Variants in KCNMB2 observed in about 807,000 individuals in gnomAD.
The protein encoded by KCNMB2 is calcium-activated potassium channel subunit beta-2.
A neutral mutation model predicts 24.5 loss-of-function variants in KCNMB2; 9 were observed. The ratio of observed to expected loss-of-function variants is 0.37; its 90% CI spans 0.22 to 0.64. The LOEUF is 0.64. KCNMB2 is among the 30% of genes least tolerant of loss of function. KCNMB2 has a pLI of 0.63. For synonymous variants in KCNMB2, 109 were observed against 104.4 expected (o/e 1.04, Z -0.27); for missense variants, 226 against 284.3 (o/e 0.79, Z 1.47).
In KCNMB2 at chr3:178,843,953, C is replaced by G. The variant is rs550720001; in HGVS notation, c.*1016C>G. On this transcript the variant is annotated 3_prime_UTR_variant, in exon 5 of 5. Coordinates refer to ENST00000452583, the MANE Select transcript of KCNMB2 (RefSeq NM_181361.3). ...TATTGGGATTTTAAAGCTATGTGCA[C>G]AGAATATTAGTCTCTTCTACATGTT... is the stretch of plus-strand genomic sequence containing the variant. 6.6e-6 allele frequency: 1 copy of G among 152,284 alleles called. No individual in the cohort carries two copies. The highest frequency in any genetic ancestry group is 1.5e-5 in the Non-Finnish European group (1 of 67,988). 9.4% of individuals were successfully genotyped at this position (152,284 alleles called of 1,614,324 possible).
chr3:178,603,079 T>C (rs934545525), intron 1 of KCNMB2, among the ~76,000 whole-genome samples: 1 of 151,930 alleles, frequency 6.6e-6, no homozygotes, highest in African/African-American at 2.4e-5. Context: ...CAGTGACTAA[T>C]TGGATATGGC....
chr3:178,795,540 A>G (rs1713506278), intron 1 of KCNMB2, among the ~76,000 whole-genome samples: 1 of 152,140 alleles, frequency 6.6e-6, no homozygotes, highest in South Asian at 2.1e-4. Flanking sequence ...AGCAGAAAAC[A>G]TTAGAGCCTG....
At chr3:178,701,771 G>T (rs141981506) in intron 1 of KCNMB2, among the ~76,000 whole-genome samples, 7,666 of 152,082 alleles carry the variant, frequency 0.05, 267 homozygotes, top group Non-Finnish European at 0.076. Context: ...GGAAACAACA[G>T]GTGCTGGAGA....
chr3:178,702,705 G>T (rs1465000528), intron 1 of KCNMB2, among the ~76,000 whole-genome samples: 2 of 152,142 alleles, frequency 1.3e-5, no homozygotes, highest in African/African-American at 4.8e-5. Flanking sequence ...AAATATCAGT[G>T]CTAAAAAACA....
At chr3:178,833,175 C>A (rs1715105413) in intron 4 of KCNMB2, among the ~76,000 whole-genome samples, 1 of 152,148 alleles carries the variant, frequency 6.6e-6, no homozygotes, top group South Asian at 2.1e-4. Context: ...TTCAGGCTGA[C>A]TATTCTCCCA....
intron 1 of KCNMB2, among the ~76,000 whole-genome samples, chr3:178,572,866 AT>A (rs1174319494): frequency 6.6e-6 from 1 of 152,226 alleles, no homozygotes; most frequent in Non-Finnish European, 1.5e-5. Context: ...AATAACTAAA[AT>A]AAATGAATCT....
chr3:178,612,614 A>C (rs1486016789), intron 1 of KCNMB2, among the ~76,000 whole-genome samples: 1 of 152,046 alleles, frequency 6.6e-6, no homozygotes, highest in East Asian at 1.9e-4. Context: ...TTTTATTTTC[A>C]GTCTATGTTT....
At chr3:178,582,446 A>G (rs1717250351) in intron 1 of KCNMB2, among the ~76,000 whole-genome samples, 1 of 152,218 alleles carries the variant, frequency 6.6e-6, no homozygotes, top group African/African-American at 2.4e-5. Flanking sequence ...CCACCATGGC[A>G]CACATATACC....
intron 1 of KCNMB2, among the ~76,000 whole-genome samples, chr3:178,741,472 T>C (rs560084693): frequency 5.3e-5 from 8 of 152,316 alleles, no homozygotes; most frequent in African/African-American, 1.9e-4. Flanking sequence ...CTCCATCACA[T>C]TTATCCCTAT....
At chr3:178,568,844 G>A (rs1428656258) in intron 1 of KCNMB2, among the ~76,000 whole-genome samples, 1 of 122,054 alleles carries the variant, frequency 8.2e-6, no homozygotes, top group Non-Finnish European at 1.7e-5. Flanking sequence ...TAGATAGATA[G>A]ATAGATAGAT....
chr3:178,569,515 C>T (rs1716693947), intron 1 of KCNMB2, among the ~76,000 whole-genome samples: 1 of 152,130 alleles, frequency 6.6e-6, no homozygotes, highest in Non-Finnish European at 1.5e-5. Context: ...CCATAAATTA[C>T]TTTTACATCC....
At chr3:178,639,838 G>T (rs559634888) in intron 1 of KCNMB2, among the ~76,000 whole-genome samples, 5 of 152,300 alleles carry the variant, frequency 3.3e-5, no homozygotes, top group African/African-American at 9.6e-5. Context: ...AAATTAAATG[G>T]TTTTTTCAAT....
chr3:178,756,756 T>C (rs539968308), intron 1 of KCNMB2, among the ~76,000 whole-genome samples: 2 of 152,222 alleles, frequency 1.3e-5, no homozygotes, highest in East Asian at 1.9e-4. Context: ...TATCAGCCAA[T>C]TTCCTCTTTC....
intron 1 of KCNMB2, among the ~76,000 whole-genome samples, chr3:178,608,794 C>G (rs1323131185): frequency 6.6e-6 from 1 of 152,104 alleles, no homozygotes; most frequent in Non-Finnish European, 1.5e-5. Flanking sequence ...GCCTCCAGTT[C>G]TATGTTGCTA....
At chr3:178,792,780 G>A (rs1157171697) in intron 1 of KCNMB2, among the ~76,000 whole-genome samples, 1 of 152,200 alleles carries the variant, frequency 6.6e-6, no homozygotes, top group African/African-American at 2.4e-5. Context: ...TTCTTATATT[G>A]TATGAAAGAG....
At chr3:178,717,137 T>C (rs1405375939) in intron 1 of KCNMB2, among the ~76,000 whole-genome samples, 1 of 152,136 alleles carries the variant, frequency 6.6e-6, no homozygotes, top group African/African-American at 2.4e-5. Flanking sequence ...TGTATCCATA[T>C]ATAAATGGAA....
intron 1 of KCNMB2, among the ~76,000 whole-genome samples, chr3:178,712,655 T>G (rs1722491939): frequency 6.6e-6 from 1 of 152,178 alleles, no homozygotes; most frequent in Non-Finnish European, 1.5e-5. Context: ...TATCTTCACT[T>G]TACAGATGGG....
At chr3:178,649,612 C>T (rs1276213876) in intron 1 of KCNMB2, among the ~76,000 whole-genome samples, 3 of 151,842 alleles carry the variant, frequency 2.0e-5, no homozygotes, top group East Asian at 1.9e-4. Context: ...GTGTATGTGT[C>T]CAAGAATGTA....
intron 1 of KCNMB2, among the ~76,000 whole-genome samples, chr3:178,779,127 A>T (rs1209396819): frequency 6.6e-6 from 1 of 152,234 alleles, no homozygotes; most frequent in Non-Finnish European, 1.5e-5. Context: ...ACAGTGGGTT[A>T]TTCTCCAGCT....
Sources: allele counts gnomAD v4.1 joint callset (sites outside exome capture counted in the v4.1 genomes callset), GRCh38; gene constraint gnomAD v4.1.1; transcripts MANE v1.5; gene names NCBI Gene and HGNC (gene_info 2026-07-23, HGNC 2026-07-21).